ZCWPW2: variants seen among roughly 807,000 people sequenced by gnomAD.
ZCWPW2 encodes the protein zinc finger CW-type PWWP domain protein 2.
In ZCWPW2, 45 loss-of-function variants were observed where a neutral mutation model predicts 46.6. The ratio of observed to expected loss-of-function variants is 0.96; its 90% CI spans 0.76 to 1.24. ZCWPW2 has a LOEUF of 1.24. Ranked by LOEUF, ZCWPW2 falls within the 50% of genes most tolerant of loss-of-function variation. ZCWPW2 has a pLI of 0.00. For synonymous variants in ZCWPW2, 152 were observed against 137.1 expected (o/e 1.11, Z -0.76); for missense variants, 429 against 403.9 (o/e 1.06, Z -0.53).
In ZCWPW2 at chr3:28,453,797, A is replaced by ATT. The variant is rs1247761767; in HGVS notation, c.492+18529_492+18530insTT. 4.6e-4 allele frequency among the ~76,000 whole-genome samples: 68 copies of ATT among 148,174 alleles called. 1 individual carries two copies. The highest frequency in any genetic ancestry group is 1.2e-3 in the African/African-American group (49 of 40,200). ...TAATTGTGAAAGTTTATAATTGTGT[A>ATT]TATTTATTTATTTATTTATTTATTT... On this transcript the variant is annotated intron_variant, in intron 4 of 9. Transcript: ENST00000383768.
At chr3:28,365,193 T>G (rs1212635214) in intron 1 of ZCWPW2, among the ~76,000 whole-genome samples, 1 of 149,154 alleles carries the variant, frequency 6.7e-6, no homozygotes, top group African/African-American at 2.4e-5. Context: ...TGCCATTGCT[T>G]TTGGTGTTTT....
intron 5 of ZCWPW2, among the ~76,000 whole-genome samples, chr3:28,486,134 G>A (rs1379656): frequency 0.8 from 121,055 of 152,060 alleles, 48,876 homozygotes; most frequent in African/African-American, 0.94. Context: ...AGTTTGCAAT[G>A]TACATTTACA....
chr3:28,408,779 A>C (rs1696268694), intron 2 of ZCWPW2, among the ~76,000 whole-genome samples: 1 of 152,164 alleles, frequency 6.6e-6, no homozygotes, highest in South Asian at 2.1e-4. Flanking sequence ...CGTTATTGAT[A>C]ATCTCATTCT....
Position 28,476,995 on chromosome 3 carries a change from G to C in ZCWPW2, c.493-1819G>C, listed in dbSNP as rs191586856. On this transcript the variant is annotated intron_variant, in intron 4 of 9. Transcript: ENST00000383768. ...TTGCTGTGCCGCCCAGTTCCTAACC[G>C]GTCATGGACTAGTACTGGTCTGACC... Among the ~76,000 whole-genome samples, 6 of 152,084 alleles carry C rather than the reference G, an allele frequency of 3.9e-5. No individual in the cohort carries two copies. The South Asian group carries it at 1.2e-3, about 32-fold the overall frequency.
rs1167488146 is a variant in ZCWPW2, at chr3:28,521,108, G to A, written c.901G>A (p.Gly301Arg). Residue 301 changes from glycine (G) to arginine (R), a missense_variant, in exon 9 of 10, where the codon GGA (glycine) becomes AGA (arginine). By Grantham distance (125) the Gly-to-Arg change is moderately radical. Transcript: ENST00000383768. ...EEGHGEEINM[G>R]EKLSKCSPEA... ...AGGACATGGAGAGGAAATAAATATG[G>A]GAGAAAAGGTAATATTGATAGTTAT... The A allele has an allele frequency of 2.5e-6, 4 of 1,600,620 alleles. No individual in the cohort carries two copies. The highest frequency in any genetic ancestry group is 3.4e-6 in the Non-Finnish European group (4 of 1,176,200).
chr3:28,516,253 CTCAATAAA>C (rs1700566556), intron 8 of ZCWPW2, among the ~76,000 whole-genome samples: 2 of 125,700 alleles, frequency 1.6e-5, no homozygotes, highest in African/African-American at 3.1e-5. Flanking sequence ...AAGATTCCCT[CTCAATAAA>C]TAAATAAATA....
intron 2 of ZCWPW2, among the ~76,000 whole-genome samples, chr3:28,392,174 C>T (rs1695517551): frequency 6.6e-6 from 1 of 152,016 alleles, no homozygotes; most frequent in Admixed American, 6.6e-5. Flanking sequence ...CAGGGCTACA[C>T]ATATTAGACA....
chr3:28,520,165 A>G (rs993666977), intron 8 of ZCWPW2, among the ~76,000 whole-genome samples: 2 of 151,762 alleles, frequency 1.3e-5, no homozygotes, highest in Admixed American at 6.6e-5. Context: ...CCACCACGCC[A>G]GGCTAATTTT....
chr3:28,424,228 A>AACACACACACACAC lies in ZCWPW2; in HGVS notation c.333-10854_333-10841dup, dbSNP rs55725925. Among the ~76,000 whole-genome samples, 379 of 138,944 alleles carry AACACACACACACAC rather than the reference A, an allele frequency of 2.7e-3. 2 individuals are homozygous for AACACACACACACAC. The highest frequency in any genetic ancestry group is 9.4e-3 in the African/African-American group (349 of 37,066). 91.2% of individuals were successfully genotyped at this position (138,944 alleles called of 152,430 possible). A position where few individuals can be genotyped will look rare whatever the true frequency, so the allele number is the denominator to read the frequency against. Reference sequence around the variant, plus strand: ...AGAGAGACTGTGGTGGTCTTATTCCAACACACACACACACACACACACACA... The same window carrying AACACACACACACAC: ...AGAGAGACTGTGGTGGTCTTATTCCAACACACACACACACACACACACACACACACACACACACA... On this transcript the variant is annotated intron_variant, in intron 3 of 9. Coordinates refer to ENST00000383768, the MANE Select transcript of ZCWPW2 (RefSeq NM_001040432.4).
chr3:28,425,852 G>C (rs1412083783), intron 3 of ZCWPW2, among the ~76,000 whole-genome samples: 1 of 152,202 alleles, frequency 6.6e-6, no homozygotes, highest in Admixed American at 6.5e-5. Context: ...GCTAATGCCT[G>C]TAATCCCAGC....
At chr3:28,447,926 C>T in intron 4 of ZCWPW2, 1 of 784,368 alleles carries the variant, frequency 1.3e-6, no homozygotes, top group Non-Finnish European at 2.2e-6. Context: ...ATGAGATTGT[C>T]CAAAACAAAA....
rs549553767 is a variant in ZCWPW2, at chr3:28,469,078, G to A, written c.493-9736G>A. On this transcript the variant is annotated intron_variant, in intron 4 of 9. Transcript: ENST00000383768. The stretch of plus-strand genomic sequence containing the variant: ...ATAAAAAGTTAAAAAGAGGGAGGAA[G>A]GAGTTAAAGTTCAGAGGTGTTTTCT... Among the ~76,000 whole-genome samples the A allele has an allele frequency of 1.0e-3, 158 of 152,074 alleles. 1 individual carries two copies. The South Asian group carries it at 0.015, about 15-fold the overall frequency.
chr3:28,412,558 T>G (rs1696442377), intron 2 of ZCWPW2, among the ~76,000 whole-genome samples: 1 of 152,034 alleles, frequency 6.6e-6, no homozygotes, highest in Non-Finnish European at 1.5e-5. Flanking sequence ...CTCTACTGTG[T>G]ACCAGTTCCA....
At chr3:28,474,373 T>C (rs1053942792) in intron 4 of ZCWPW2, among the ~76,000 whole-genome samples, 1 of 152,154 alleles carries the variant, frequency 6.6e-6, no homozygotes, top group Non-Finnish European at 1.5e-5. Context: ...AACTTATCTT[T>C]CAGTATACTT....
chr3:28,382,942 G>A lies in ZCWPW2; in HGVS notation c.-133-7556G>A, dbSNP rs141559190. Reference sequence around the variant, plus strand: ...CTCATAATAATAAATTTATAATAATGAAATCACATGGAATTGACACTAGCA... The same window carrying A: ...CTCATAATAATAAATTTATAATAATAAAATCACATGGAATTGACACTAGCA... On this transcript the variant is annotated intron_variant, in intron 1 of 9. Coordinates refer to ENST00000383768, the MANE Select transcript of ZCWPW2 (RefSeq NM_001040432.4). 1.5e-4 allele frequency among the ~76,000 whole-genome samples: 23 copies of A among 152,224 alleles called. No individual in the cohort carries two copies. The East Asian group carries it at 4.1e-3, about 27-fold the overall frequency.
intron 3 of ZCWPW2, among the ~76,000 whole-genome samples, chr3:28,425,614 C>A (rs979892120): frequency 2.0e-5 from 3 of 152,088 alleles, no homozygotes; most frequent in Non-Finnish European, 4.4e-5. Flanking sequence ...TATTCTTTCT[C>A]AAAAAAGTTG....
chr3:28,522,981 T>C (rs1700762606), intron 9 of ZCWPW2, among the ~76,000 whole-genome samples: 1 of 152,214 alleles, frequency 6.6e-6, no homozygotes, highest in South Asian at 2.1e-4. Context: ...TATAGCGATG[T>C]CCTGGAGCTT....
chr3:28,450,365 G>A (rs561710404), intron 4 of ZCWPW2, among the ~76,000 whole-genome samples: 16 of 152,128 alleles, frequency 1.1e-4, no homozygotes, highest in Non-Finnish European at 2.4e-4. Flanking sequence ...TGAGCACAAC[G>A]TTGAGGTCAT....
At chr3:28,351,309 C>T (rs1265759005) in intron 1 of ZCWPW2, among the ~76,000 whole-genome samples, 1 of 150,492 alleles carries the variant, frequency 6.6e-6, no homozygotes, top group Non-Finnish European at 1.5e-5. Flanking sequence ...TTTCCACCCC[C>T]TACACCAATT....
Sources: gnomAD v4.1 joint callset for allele counts (sites outside exome capture counted in the v4.1 genomes callset) on GRCh38, gnomAD v4.1.1 for gene constraint, MANE v1.5 for transcripts, NCBI Gene and HGNC (gene_info 2026-07-23, HGNC 2026-07-21) for gene names.